Variants in ARHGAP32 observed in about 807,000 individuals in gnomAD.
ARHGAP32 encodes rho GTPase-activating protein 32.
ARHGAP32 carries 51 observed loss-of-function variants against 186.5 expected under a neutral mutation model. That is an observed-to-expected ratio of 0.27 (90% CI 0.22 to 0.35). The LOEUF (loss-of-function observed/expected upper bound fraction) is 0.35. Among genes scored for constraint, ARHGAP32 ranks in the 10% least tolerant of loss-of-function variants. The probability of loss-of-function intolerance (pLI) is 1.00; values close to 1 mark genes in which losing one functional copy is unlikely to be tolerated. For synonymous variants in ARHGAP32, 950 were observed against 964.3 expected, an observed-to-expected ratio of 0.99 and a Z score of 0.27; for missense variants, 2,186 against 2,623.5, an observed-to-expected ratio of 0.83 and a Z score of 3.64.
intron 1 of ARHGAP32, among the ~76,000 whole-genome samples, chr11:129,179,056 C>T (rs1296940049): frequency 6.6e-6 from 1 of 150,958 alleles, no homozygotes; most frequent in African/African-American, 2.4e-5. Context: ...TGACAAAGGG[C>T]TAATATCCAG....
chr11:129,084,090 C>T (rs1941305789), intron 6 of ARHGAP32, among the ~76,000 whole-genome samples: 1 of 151,736 alleles, frequency 6.6e-6, no homozygotes, highest in South Asian at 2.1e-4. Flanking sequence ...TAAAAAGATA[C>T]ATCCACCAAA....
At chr11:129,162,747 CA>C (rs774148961) in intron 2 of ARHGAP32, among the ~76,000 whole-genome samples, 2 of 151,998 alleles carry the variant, frequency 1.3e-5, no homozygotes, top group African/African-American at 4.8e-5. Context: ...ACTTAATGTA[CA>C]ATTACAAGAG....
intron 10 of ARHGAP32, among the ~76,000 whole-genome samples, chr11:129,050,008 T>C (rs2135072928): frequency 6.6e-6 from 1 of 152,332 alleles, no homozygotes; most frequent in South Asian, 2.1e-4. Context: ...AACTAGCCAA[T>C]GATAAAATTG....
chr11:129,235,427 A>C (rs912723368), intron 1 of ARHGAP32, among the ~76,000 whole-genome samples: 1 of 152,170 alleles, frequency 6.6e-6, no homozygotes, highest in African/African-American at 2.4e-5. Flanking sequence ...TGTGTAACCT[A>C]GTCTAAAATT....
At chr11:128,982,474 C>CGTGTGTGCGTGT (rs1555062285) in intron 15 of ARHGAP32, among the ~76,000 whole-genome samples, 1 of 147,362 alleles carries the variant, frequency 6.8e-6, no homozygotes, top group Non-Finnish European at 1.5e-5. Flanking sequence ...AGGTAAGTGC[C>CGTGTGTGCGTGT]GTGTGTGTGT....
At chr11:129,098,193 C>G (rs930328805) in intron 5 of ARHGAP32, among the ~76,000 whole-genome samples, 12 of 152,098 alleles carry the variant, frequency 7.9e-5, no homozygotes, top group Admixed American at 5.2e-4. Flanking sequence ...TCAAGGGATA[C>G]CTGCAGGGTA....
chr11:129,101,372 A>G (rs1361343800), intron 5 of ARHGAP32, among the ~76,000 whole-genome samples: 1 of 152,190 alleles, frequency 6.6e-6, no homozygotes, highest in Non-Finnish European at 1.5e-5. Context: ...TGAAATGGAA[A>G]TAGAATTCAG....
chr11:128,981,772 A>G, intron 16 of ARHGAP32, 57 bp downstream of exon 16: 1 of 1,329,664 alleles, frequency 7.5e-7, no homozygotes, highest in Non-Finnish European at 1.1e-6. Flanking sequence ...ACACTGATGA[A>G]TCAGCCTTTT....
At position 128,985,683 on chromosome 11, in the gene ARHGAP32, G is replaced by T. The variant is rs561069902; in HGVS notation, c.1526+320C>A. The stretch of plus-strand genomic sequence containing the variant: ...CCCAAGTTTAGTCAGCCATCCCTTT[G>T]TCCATCCATTCATTCATTCAACCTT... On this transcript the variant is annotated intron_variant, in intron 15 of 22. Coordinates refer to ENST00000682385, the MANE Select transcript of ARHGAP32 (RefSeq NM_001378024.1). 3.9e-5 allele frequency among the ~76,000 whole-genome samples: 6 copies of T among 151,942 alleles called. No individual in the cohort carries two copies. The South Asian group carries it at 1.3e-3, about 32-fold the overall frequency.
intron 1 of ARHGAP32, among the ~76,000 whole-genome samples, chr11:129,259,394 A>T (rs190227777): frequency 5.4e-4 from 82 of 152,274 alleles, no homozygotes; most frequent in African/African-American, 1.9e-3. Flanking sequence ...ATACTGAGAG[A>T]TGTTACTAGT....
At chr11:129,022,387 GC>G (rs1239719774) in intron 11 of ARHGAP32, among the ~76,000 whole-genome samples, 1 of 151,916 alleles carries the variant, frequency 6.6e-6, no homozygotes, top group African/African-American at 2.4e-5. Context: ...GTTTTGTTTT[GC>G]AGGAAGTAGA....
intron 5 of ARHGAP32, among the ~76,000 whole-genome samples, chr11:129,099,554 C>T (rs1374056127): frequency 6.6e-6 from 1 of 152,048 alleles, no homozygotes; most frequent in Non-Finnish European, 1.5e-5. Context: ...AGGAGATACA[C>T]TTTAGACCCA....
At chr11:129,269,260 G>A (rs192835173) in intron 1 of ARHGAP32, among the ~76,000 whole-genome samples, 16 of 151,750 alleles carry the variant, frequency 1.1e-4, no homozygotes, top group Non-Finnish European at 1.0e-4. Context: ...GACAAAATGA[G>A]GCCCTCTCTC....
At chr11:129,251,720 T>C (rs1945186668) in intron 1 of ARHGAP32, among the ~76,000 whole-genome samples, 1 of 151,558 alleles carries the variant, frequency 6.6e-6, no homozygotes, top group Non-Finnish European at 1.5e-5. Flanking sequence ...GATCAGGAGA[T>C]TGAGACCATC....
intron 2 of ARHGAP32, among the ~76,000 whole-genome samples, chr11:129,163,332 T>C (rs773782484): frequency 6.6e-6 from 1 of 152,152 alleles, no homozygotes; most frequent in Non-Finnish European, 1.5e-5. Context: ...AAAAGAAGAA[T>C]TTCTTCATTC....
rs372988516 is a variant in ARHGAP32 at position 129,265,920 on chromosome 11, C to G, written c.-5+13226G>C. Among the ~76,000 whole-genome samples, 31 of 152,184 alleles carry G rather than the reference C, an allele frequency of 2.0e-4. No homozygotes were observed. The East Asian group carries it at 6.0e-3, about 29-fold the overall frequency. On this transcript the variant is annotated intron_variant, in intron 1 of 6. Transcript: ENST00000525234. ...GAAGAGAGCTATAAAAAATGAGTAA[C>G]ACATAAAATCCAGTTTCAAGATGCT... is the stretch of plus-strand genomic sequence containing the variant.
chr11:129,258,833 T>TTCAACACATTCA (rs57976132), intron 1 of ARHGAP32, among the ~76,000 whole-genome samples: 52,663 of 151,914 alleles, frequency 0.35, 9,516 homozygotes, highest in South Asian at 0.46. Flanking sequence ...TAACACATAC[T>TTCAACACATTCA]GGAAAGTTAA....
chr11:129,060,200 CTG>C (rs1364501496), intron 10 of ARHGAP32, among the ~76,000 whole-genome samples: 3 of 152,114 alleles, frequency 2.0e-5, no homozygotes, highest in Non-Finnish European at 4.4e-5. Context: ...GAATAAATAT[CTG>C]TTACATAAAC....
intron 5 of ARHGAP32, among the ~76,000 whole-genome samples, chr11:129,104,494 A>G (rs184852165): frequency 2.0e-5 from 3 of 152,212 alleles, no homozygotes; most frequent in Middle Eastern, 3.4e-3. Flanking sequence ...GAATAGAAAA[A>G]TGATACATAT....
Sources: allele counts gnomAD v4.1 joint callset (sites outside exome capture counted in the v4.1 genomes callset), GRCh38; gene constraint gnomAD v4.1.1; transcripts MANE v1.5; gene names NCBI Gene and HGNC (gene_info 2026-07-23, HGNC 2026-07-21).